RGS7BP: variants seen among roughly 807,000 people sequenced by gnomAD.
The protein encoded by RGS7BP is regulator of G protein signaling 7 binding protein.
In RGS7BP, 9 loss-of-function variants were observed where a neutral mutation model predicts 31.3. The observed-to-expected ratio is 0.29, with a 90% CI of 0.17 to 0.50. RGS7BP has a LOEUF of 0.50. RGS7BP is among the 20% of genes least tolerant of loss of function. The pLI is 0.98. For synonymous variants in RGS7BP, 115 were observed against 120.1 expected, an observed-to-expected ratio of 0.96 and a Z score of 0.28; for missense variants, 274 against 322.0, an observed-to-expected ratio of 0.85 and a Z score of 1.14.
chr5:64,546,448 T>C (rs1036529785), intron 2 of RGS7BP, among the ~76,000 whole-genome samples: 1 of 152,054 alleles, frequency 6.6e-6, no homozygotes, highest in Non-Finnish European at 1.5e-5. Flanking sequence ...AGGTCAAAAG[T>C]GTGAAATGCT....
chr5:64,551,739 C>T (rs938635915), intron 2 of RGS7BP, among the ~76,000 whole-genome samples: 2 of 152,060 alleles, frequency 1.3e-5, no homozygotes, highest in Non-Finnish European at 2.9e-5. Context: ...TTCTTTCTTT[C>T]CTTTTATTAT....
Position 64,563,052 on chromosome 5 carries a change from C to T in RGS7BP, c.333-12722C>T, listed in dbSNP as rs536731309. On this transcript the variant is annotated intron_variant, in intron 2 of 5. Transcript: ENST00000334025. Reference sequence around the variant, plus strand: ...CTCCTTTTTCCTGCTTGCACCCTCTCCCTGGATCCTGATGAAAAGTCACTT... The same window carrying T: ...CTCCTTTTTCCTGCTTGCACCCTCTTCCTGGATCCTGATGAAAAGTCACTT... Among the ~76,000 whole-genome samples, 7 of 152,094 alleles carry T rather than the reference C, an allele frequency of 4.6e-5. No individual in the cohort carries two copies. In the East Asian group the frequency reaches 1.4e-3, roughly 30 times the overall value.
intron 2 of RGS7BP, among the ~76,000 whole-genome samples, chr5:64,567,102 A>T (rs1352032577): frequency 6.6e-6 from 1 of 151,990 alleles, no homozygotes; most frequent in Admixed American, 6.6e-5. Flanking sequence ...CTAATGAGAC[A>T]TGCAACGTAT....
At chr5:64,544,215 G>A (rs972657908) in intron 2 of RGS7BP, among the ~76,000 whole-genome samples, 9 of 152,178 alleles carry the variant, frequency 5.9e-5, no homozygotes, top group Middle Eastern at 3.2e-3. Context: ...TAAAGCTTAC[G>A]CTGCAGTGGG....
intron 2 of RGS7BP, among the ~76,000 whole-genome samples, chr5:64,568,603 GA>G: frequency 6.6e-6 from 1 of 152,136 alleles, no homozygotes; most frequent in Middle Eastern, 3.4e-3. Flanking sequence ...AATGCCCTGA[GA>G]AATGCCTAGA....
chr5:64,571,880 T>C (rs1457215018), intron 2 of RGS7BP, among the ~76,000 whole-genome samples: 4 of 152,176 alleles, frequency 2.6e-5, no homozygotes, highest in Non-Finnish European at 5.9e-5. Context: ...TTTGTAGAAG[T>C]TAATTCTTAG....
At chr5:64,568,510 A>G (rs944209726) in intron 2 of RGS7BP, among the ~76,000 whole-genome samples, 17 of 152,152 alleles carry the variant, frequency 1.1e-4, no homozygotes, top group African/African-American at 4.1e-4. Context: ...CTCCTTGCCA[A>G]TAAGCATGAG....
chr5:64,572,818 T>A (rs955034320), intron 2 of RGS7BP, among the ~76,000 whole-genome samples: 34 of 151,644 alleles, frequency 2.2e-4, no homozygotes, highest in African/African-American at 6.5e-4. Flanking sequence ...TTTTTTTTTT[T>A]AATTTTATTA....
At chr5:64,548,385 A>G (rs1580419617) in intron 2 of RGS7BP, among the ~76,000 whole-genome samples, 1 of 152,238 alleles carries the variant, frequency 6.6e-6, no homozygotes, top group East Asian at 1.9e-4. Context: ...TGAACTTAAC[A>G]AAAATGTTTG....
At chr5:64,588,004 T>TA (rs1742804611) in intron 3 of RGS7BP, among the ~76,000 whole-genome samples, 1 of 152,096 alleles carries the variant, frequency 6.6e-6, no homozygotes, top group Non-Finnish European at 1.5e-5. Context: ...ACAAACACTA[T>TA]AAAAAGGAGA....
chr5:64,565,510 T>A (rs1742148144), intron 2 of RGS7BP, among the ~76,000 whole-genome samples: 1 of 151,958 alleles, frequency 6.6e-6, no homozygotes, highest in Non-Finnish European at 1.5e-5. Context: ...ATAAAATAGT[T>A]TTTTTTAAAA....
chr5:64,565,516 T>A (rs185953025), intron 2 of RGS7BP, among the ~76,000 whole-genome samples: 1,913 of 151,900 alleles, frequency 0.013, 36 homozygotes, highest in South Asian at 0.044. Context: ...TAGTTTTTTT[T>A]AAAAAAAAGA....
chr5:64,522,297 A>G (rs1020796182), intron 2 of RGS7BP, among the ~76,000 whole-genome samples: 1 of 152,220 alleles, frequency 6.6e-6, no homozygotes. Flanking sequence ...GCAGATGGCC[A>G]AAGACCCCAG....
intron 3 of RGS7BP, among the ~76,000 whole-genome samples, chr5:64,577,135 G>A (rs16892876): frequency 0.17 from 25,430 of 152,140 alleles, 2,230 homozygotes; most frequent in Admixed American, 0.22. Context: ...ACATGATGAA[G>A]TACTTGTAAA....
chr5:64,605,042 A>G (rs1743318793), intron 5 of RGS7BP, among the ~76,000 whole-genome samples: 1 of 152,062 alleles, frequency 6.6e-6, no homozygotes, highest in Admixed American at 6.5e-5. Flanking sequence ...AATCTAAAAG[A>G]ATTAAACATT....
At chr5:64,606,600 C>T (rs560913037) in intron 5 of RGS7BP, among the ~76,000 whole-genome samples, 1 of 152,058 alleles carries the variant, frequency 6.6e-6, no homozygotes, top group East Asian at 1.9e-4. Context: ...ATTCTTTACC[C>T]CTCAGAATTT....
At chr5:64,572,101 A>C (rs1742313665) in intron 2 of RGS7BP, among the ~76,000 whole-genome samples, 1 of 152,182 alleles carries the variant, frequency 6.6e-6, no homozygotes, top group Non-Finnish European at 1.5e-5. Flanking sequence ...CATAAGTAAC[A>C]TGTGGTAAAG....
intron 2 of RGS7BP, among the ~76,000 whole-genome samples, chr5:64,530,412 T>C (rs1749340388): frequency 6.6e-6 from 1 of 152,236 alleles, no homozygotes; most frequent in Non-Finnish European, 1.5e-5. Flanking sequence ...TTAAAAGTGC[T>C]TTCGTGATAA....
intron 2 of RGS7BP, among the ~76,000 whole-genome samples, chr5:64,529,669 T>G (rs1749322838): frequency 6.6e-6 from 1 of 152,164 alleles, no homozygotes; most frequent in Non-Finnish European, 1.5e-5. Flanking sequence ...GTTTCTGATA[T>G]GCAGACAAGT....
Sources: gnomAD v4.1 joint callset for allele counts (sites outside exome capture counted in the v4.1 genomes callset) on GRCh38, gnomAD v4.1.1 for gene constraint, MANE v1.5 for transcripts, NCBI Gene and HGNC (gene_info 2026-07-23, HGNC 2026-07-21) for gene names.